Variants in ZDHHC20 observed in about 807,000 individuals in gnomAD.
The protein encoded by ZDHHC20 is palmitoyltransferase ZDHHC20.
A neutral mutation model predicts 57.8 loss-of-function variants in ZDHHC20; 43 were observed. The ratio of observed to expected loss-of-function variants is 0.74; its 90% CI spans 0.58 to 0.96. The LOEUF (loss-of-function observed/expected upper bound fraction) is 0.96, where lower values mean the gene tolerates loss of function less well. ZDHHC20 is among the 40% of genes least tolerant of loss of function. The pLI is 0.00. For synonymous variants in ZDHHC20, 157 were observed against 153.0 expected (o/e 1.03, Z -0.19); for missense variants, 391 against 441.1 (o/e 0.89, Z 1.02).
At chr13:21,448,053 C>A (rs1257051384) in intron 1 of ZDHHC20, among the ~76,000 whole-genome samples, 47 of 130,734 alleles carry the variant, frequency 3.6e-4, no homozygotes, top group African/African-American at 1.3e-3. Context: ...TGGCAACCAC[C>A]CCGTCTGAAA....
intron 1 of ZDHHC20, among the ~76,000 whole-genome samples, chr13:21,442,045 G>A (rs1408512648): frequency 7.2e-5 from 11 of 151,788 alleles, no homozygotes; most frequent in Admixed American, 1.3e-4. Context: ...TTTACGTTAG[G>A]TATCATAAAT....
intron 11 of ZDHHC20, among the ~76,000 whole-genome samples, chr13:21,379,893 C>A (rs184950351): frequency 6.8e-6 from 1 of 147,854 alleles, no homozygotes; most frequent in African/African-American, 2.5e-5. Context: ...TGGCTCACTG[C>A]GGGCTCCAAC....
intron 1 of ZDHHC20, among the ~76,000 whole-genome samples, chr13:21,441,490 A>G (rs768701982): frequency 1.4e-5 from 2 of 141,146 alleles, no homozygotes; most frequent in Non-Finnish European, 3.0e-5. Flanking sequence ...GGTTCACGCC[A>G]TTCTCTTGAC....
intron 1 of ZDHHC20, among the ~76,000 whole-genome samples, chr13:21,447,313 C>A (rs564391319): frequency 6.6e-6 from 1 of 150,664 alleles, no homozygotes; most frequent in African/African-American, 2.4e-5. Flanking sequence ...TCTCCCTCTC[C>A]CTCTCCCCAC....
chr13:21,429,111 C>T (rs1314633535), intron 1 of ZDHHC20, among the ~76,000 whole-genome samples: 1 of 152,036 alleles, frequency 6.6e-6, no homozygotes, highest in African/African-American at 2.4e-5. Flanking sequence ...ACTTATTGAG[C>T]CTGAAAATAT....
At chr13:21,439,625 T>G (rs1882918025) in intron 1 of ZDHHC20, among the ~76,000 whole-genome samples, 1 of 152,152 alleles carries the variant, frequency 6.6e-6, no homozygotes, top group Non-Finnish European at 1.5e-5. Flanking sequence ...TAAAGAGACA[T>G]GACATCTGCA....
At chr13:21,415,265 A>T (rs1198392084) in intron 3 of ZDHHC20, among the ~76,000 whole-genome samples, 2 of 152,084 alleles carry the variant, frequency 1.3e-5, no homozygotes, top group Non-Finnish European at 2.9e-5. Flanking sequence ...TCTGTGTTCT[A>T]CTCTGGTACA....
intron 1 of ZDHHC20, among the ~76,000 whole-genome samples, chr13:21,446,043 A>C (rs563771686): frequency 7.3e-4 from 111 of 152,338 alleles, no homozygotes; most frequent in African/African-American, 2.5e-3. Flanking sequence ...CTGTTGGCTG[A>C]AGCAGAATGA....
intron 12 of ZDHHC20, among the ~76,000 whole-genome samples, chr13:21,378,314 A>C (rs1872611791): frequency 6.6e-6 from 1 of 151,756 alleles, no homozygotes; most frequent in Admixed American, 6.6e-5. Flanking sequence ...CCCACCTTGA[A>C]CTCCCAAAGT....
chr13:21,430,721 G>GT (rs1400700168), intron 1 of ZDHHC20, among the ~76,000 whole-genome samples: 1 of 151,934 alleles, frequency 6.6e-6, no homozygotes, highest in Non-Finnish European at 1.5e-5. Flanking sequence ...GTTTTGGTCT[G>GT]TATTCATTGG....
chr13:21,413,089 A>G lies in ZDHHC20; in HGVS notation c.370+563T>C, dbSNP rs947580013. On this transcript the variant is annotated intron_variant, in intron 4 of 12. Transcript: ENST00000400590. The stretch of plus-strand genomic sequence containing the variant: ...AGCCACTTATAGACTCTTCCCTGTC[A>G]TAAGATTACAACCTAGGAACAGGAA... 2.0e-5 allele frequency among the ~76,000 whole-genome samples: 3 copies of G among 152,072 alleles called. No homozygotes were observed. The South Asian group carries it at 6.2e-4, about 32-fold the overall frequency.
intron 1 of ZDHHC20, among the ~76,000 whole-genome samples, chr13:21,429,358 C>T (rs2137946535): frequency 6.6e-6 from 1 of 152,302 alleles, no homozygotes; most frequent in Non-Finnish European, 1.5e-5. Flanking sequence ...AACTTTCAAC[C>T]TTGATGGGCC....
chr13:21,429,982 A>G (rs1402806945), intron 1 of ZDHHC20, among the ~76,000 whole-genome samples: 4 of 151,914 alleles, frequency 2.6e-5, no homozygotes, highest in African/African-American at 4.8e-5. Flanking sequence ...TGAGAATTCT[A>G]TTTTTTCATA....
intron 1 of ZDHHC20, among the ~76,000 whole-genome samples, chr13:21,428,583 G>C (rs951513203): frequency 6.6e-6 from 1 of 151,858 alleles, no homozygotes; most frequent in African/African-American, 2.4e-5. Flanking sequence ...TATTAGGACT[G>C]GGCGTGGTGG....
At position 21,401,689 on chromosome 13, in the gene ZDHHC20, G is replaced by A; in HGVS notation, c.441-4C>T. The A allele has an allele frequency of 2.0e-6, 3 of 1,507,078 alleles. No homozygotes were observed. The highest frequency in any genetic ancestry group is 2.5e-5 in the Admixed American group (1 of 40,466). The allele number at this position is 1,507,078 out of a possible 1,614,324, so 93.4% of individuals were successfully genotyped here. On this transcript the variant is annotated splice_region_variant and splice_polypyrimidine_tract_variant and intron_variant, in intron 5 of 12. Coordinates refer to ENST00000400590, the MANE Select transcript of ZDHHC20 (RefSeq NM_001330059.2). ...ATGATCCATCTTAAGAATACATCTA[G>A]GAAACAAACAAGCATAAGAAAATCC...
chr13:21,425,599 C>CA, intron 2 of ZDHHC20, 53 bp downstream of exon 2: 1 of 1,147,064 alleles, frequency 8.7e-7, no homozygotes, highest in Non-Finnish European at 1.2e-6. Flanking sequence ...AAGTATGTTC[C>CA]AATTAAAATA....
intron 7 of ZDHHC20, 26 bp from the exon 8 acceptor site, chr13:21,391,880 G>A (rs950120617): frequency 6.3e-7 from 1 of 1,597,638 alleles, no homozygotes; most frequent in Non-Finnish European, 8.5e-7. Context: ...AGTTAATTTT[G>A]AGGTCAACCT....
rs1172540776 is a variant in ZDHHC20, at chr13:21,448,526, C to T, written c.118+10528G>A. On this transcript the variant is annotated intron_variant, in intron 1 of 12. Transcript: ENST00000400590. ...GTCCGGGAGGTGAGGGGCACCTCTG[C>T]CCGGCCGCCCCTACTGGGAAGTGAG... is the stretch of plus-strand genomic sequence containing the variant. 2.3e-4 allele frequency among the ~76,000 whole-genome samples: 23 copies of T among 98,348 alleles called. 5 individuals are homozygous for T. In the South Asian group the frequency reaches 2.6e-3, roughly 11 times the overall value. 64.5% of individuals were successfully genotyped at this position (98,348 alleles called of 152,430 possible).
At chr13:21,422,122 A>ATTATTATTAATATTAT (rs1880710549) in intron 2 of ZDHHC20, among the ~76,000 whole-genome samples, 1 of 152,098 alleles carries the variant, frequency 6.6e-6, no homozygotes, top group Non-Finnish European at 1.5e-5. Context: ...TCCTCAATAA[A>ATTATTATTAATATTAT]TACTGATTAT....
Sources: gnomAD v4.1 joint callset for allele counts (sites outside exome capture counted in the v4.1 genomes callset) on GRCh38, gnomAD v4.1.1 for gene constraint, MANE v1.5 for transcripts, NCBI Gene and HGNC (gene_info 2026-07-23, HGNC 2026-07-21) for gene names.